DDHD2: variants seen among roughly 807,000 people sequenced by gnomAD.
DDHD2 encodes the protein DDHD domain containing 2.
Under a neutral mutation model 91.2 loss-of-function variants are expected in DDHD2, and 62 were observed. The ratio of observed to expected loss-of-function variants is 0.68; its 90% confidence interval spans 0.55 to 0.84. The LOEUF is 0.84. Among genes scored for constraint, DDHD2 ranks in the 40% least tolerant of loss-of-function variants. The probability of loss-of-function intolerance (pLI) is 0.00; values close to 1 mark genes in which losing one functional copy is unlikely to be tolerated. For missense variants in DDHD2, 740 were observed against 846.9 expected, an observed-to-expected ratio of 0.87 and a Z score of 1.57; for synonymous variants, 271 against 293.9, an observed-to-expected ratio of 0.92 and a Z score of 0.80.
chr8:38,262,898 G>T (rs1191579449), downstream of DDHD2: 1 of 152,124 alleles, frequency 6.6e-6, no homozygotes, highest in Non-Finnish European at 1.5e-5. Context: ...GAACTAATAT[G>T]TAAGTTCTTT....
downstream of DDHD2, chr8:38,273,520 C>T (rs539419017): frequency 2.0e-5 from 3 of 152,078 alleles, no homozygotes; most frequent in Admixed American, 6.5e-5. Context: ...AGTCTAAAAG[C>T]AAGGAGATAA....
At chr8:38,269,301 C>G in intron 1 of DDHD2, 1 of 1,203,470 alleles carries the variant, frequency 8.3e-7, no homozygotes, top group South Asian at 1.9e-5. Flanking sequence ...TGCCCGCGCT[C>G]CGGCGGCTCC....
downstream of DDHD2, chr8:38,266,396 G>T: frequency 8.1e-7 from 1 of 1,233,946 alleles, no homozygotes; most frequent in Non-Finnish European, 1.1e-6. Context: ...GGAAGCATGA[G>T]TATGTTTTTA....
At chr8:38,237,681 A>G (rs1804911127) in intron 4 of DDHD2, 54 bp downstream of exon 4, 2 of 980,248 alleles carry the variant, frequency 2.0e-6, no homozygotes, top group Admixed American at 2.8e-5. Flanking sequence ...GCTATTAGGG[A>G]GAACTCAATT....
downstream of DDHD2, chr8:38,264,886 T>C: frequency 6.2e-7 from 1 of 1,612,686 alleles, no homozygotes; most frequent in Non-Finnish European, 8.5e-7. Context: ...TTTTTCTAAC[T>C]CAGAAGAGTA....
At chr8:38,240,184 C>A in intron 5 of DDHD2, 91 bp from the exon 6 acceptor site, 1 of 640,802 alleles carries the variant, frequency 1.6e-6, no homozygotes, top group East Asian at 3.0e-5. Flanking sequence ...CATCTTTTAA[C>A]TTGCTCATAT....
intron 16 of DDHD2, among the ~76,000 whole-genome samples, chr8:38,254,494 C>A (rs550255999): frequency 2.0e-5 from 3 of 152,058 alleles, no homozygotes; most frequent in East Asian, 3.9e-4. Flanking sequence ...GATCCTCCCC[C>A]CTCAGTCTCC....
At chr8:38,258,743 T>G (rs1405141776) in intron 16 of DDHD2, among the ~76,000 whole-genome samples, 6 of 152,184 alleles carry the variant, frequency 3.9e-5, no homozygotes, top group Non-Finnish European at 2.9e-5. Context: ...GAAATACACA[T>G]TTATAATTGT....
chr8:38,259,871 A>C (rs1230677223), intron 16 of DDHD2, among the ~76,000 whole-genome samples, 169 bp from the exon 17 acceptor site: 2 of 152,232 alleles, frequency 1.3e-5, no homozygotes, highest in Non-Finnish European at 2.9e-5. Context: ...GTTCTTTGCC[A>C]GGTCACCTTC....
chr8:38,263,834 T>C (rs1279501023), downstream of DDHD2: 2 of 984,942 alleles, frequency 2.0e-6, no homozygotes, highest in Non-Finnish European at 1.2e-6. Context: ...AAGATCCTTC[T>C]AAGAATGGCA....
In DDHD2 at chr8:38,236,957, G is replaced by A. The variant is rs182067269; in HGVS notation, c.412-581G>A. ...TGTGATTACAGGCATGAGCCACCAC[G>A]CCTGGTCTAGAACATTAATATTAAT... On this transcript the variant is annotated intron_variant, in intron 3 of 17. Coordinates refer to ENST00000397166, the MANE Select transcript of DDHD2 (RefSeq NM_015214.3). Among the ~76,000 whole-genome samples, 119 of 152,090 alleles carry A rather than the reference G, an allele frequency of 7.8e-4. 1 individual carries two copies. Among genetic ancestry groups the A allele is most frequent in the Middle Eastern group, 6.8e-3 (2 of 294 alleles).
At chr8:38,263,934 T>G (rs1450157440), downstream of DDHD2, 5 of 985,214 alleles carry the variant, frequency 5.1e-6, no homozygotes, top group East Asian at 5.7e-4. Flanking sequence ...GAAAGATCCT[T>G]TTACTAGAAC....
Position 38,238,088 on chromosome 8 carries a change from G to A in DDHD2, c.502-1G>A. On this transcript the variant is annotated splice_acceptor_variant, in intron 4 of 17. Coordinates refer to ENST00000397166, the MANE Select transcript of DDHD2 (RefSeq NM_015214.3). LOFTEE classifies it high-confidence loss of function. Reference sequence around the variant, plus strand: ...TATTGCTCTGATCTGTTCTGTTTAAGCTTATGGTGCATTACCAGCCAGTTG... The same window carrying A: ...TATTGCTCTGATCTGTTCTGTTTAAACTTATGGTGCATTACCAGCCAGTTG... The A allele has an allele frequency of 6.2e-7, 1 of 1,607,840 alleles. No homozygotes were observed. Among genetic ancestry groups the A allele is most frequent in the South Asian group, 1.1e-5 (1 of 89,766 alleles).
intron 3 of DDHD2, among the ~76,000 whole-genome samples, chr8:38,236,096 T>G (rs913716321): frequency 2.6e-5 from 4 of 152,128 alleles, no homozygotes; most frequent in Non-Finnish European, 5.9e-5. Context: ...CATTGCAAGC[T>G]CTGCCTCCTG....
intron 7 of DDHD2, among the ~76,000 whole-genome samples, chr8:38,245,318 G>A (rs1379024558): frequency 1.3e-5 from 2 of 151,922 alleles, no homozygotes; most frequent in Non-Finnish European, 2.9e-5. Context: ...TGCAATTCCA[G>A]CTATTTGGGA....
rs915750989 is a variant in DDHD2 at position 38,262,714 on chromosome 8, T to C, written c.*2141T>C. The stretch of plus-strand genomic sequence containing the variant: ...TCTAATATTTTGCATTTTTGAAATG[T>C]TTGTTTTCTACGTGATTATATTTAA... On this transcript the variant is annotated 3_prime_UTR_variant, in exon 18 of 18. Transcript: ENST00000397166. 1.3e-5 allele frequency: 2 copies of C among 152,204 alleles called. No homozygotes were observed. Among genetic ancestry groups the C allele is most frequent in the East Asian group, 3.8e-4 (2 of 5,206 alleles). The allele number at this position is 152,204 out of a possible 1,614,324, so 9.4% of individuals were successfully genotyped here.
At chr8:38,264,876 T>G, downstream of DDHD2, 1 of 1,610,798 alleles carries the variant, frequency 6.2e-7, no homozygotes, top group Non-Finnish European at 8.5e-7. Context: ...TAAATTAGAA[T>G]TTTTCTAACT....
intron 6 of DDHD2, chr8:38,241,979 G>A (rs1409450631): frequency 6.7e-6 from 2 of 300,592 alleles, no homozygotes; most frequent in Non-Finnish European, 1.2e-5. Context: ...GCTTAAACCA[G>A]TGAGGTGGAG....
intron 10 of DDHD2, 36 bp from the exon 11 acceptor site, chr8:38,249,672 T>A: frequency 1.3e-6 from 2 of 1,490,916 alleles, no homozygotes; most frequent in Non-Finnish European, 1.9e-6. Context: ...TTTTATTTTG[T>A]CTAGAAATAA....
Sources: allele counts gnomAD v4.1 joint callset (sites outside exome capture counted in the v4.1 genomes callset), GRCh38; gene constraint gnomAD v4.1.1; transcripts MANE v1.5; gene names NCBI Gene and HGNC (gene_info 2026-07-23, HGNC 2026-07-21).